NFATC3: variants seen among roughly 807,000 people sequenced by gnomAD.
NFATC3 encodes nuclear factor of activated T cells 3.
Under a neutral mutation model 98.6 loss-of-function variants are expected in NFATC3, and 46 were observed. That is an observed-to-expected ratio of 0.47 (90% CI 0.37 to 0.60). NFATC3 has a LOEUF of 0.60. Ranked by LOEUF, NFATC3 falls within the 20% of genes least tolerant of loss-of-function variation. NFATC3 has a pLI of 0.00. For synonymous variants in NFATC3, 512 were observed against 472.2 expected, an observed-to-expected ratio of 1.08 and a Z score of -1.09; for missense variants, 1,256 against 1,295.5, an observed-to-expected ratio of 0.97 and a Z score of 0.47.
chr16:68,104,837 G>A (rs973990639), intron 1 of NFATC3, among the ~76,000 whole-genome samples: 2 of 151,570 alleles, frequency 1.3e-5, no homozygotes, highest in Non-Finnish European at 2.9e-5. Context: ...TGTATTTTTA[G>A]TAGAGACAGG....
chr16:68,174,907 A>C (rs1298351410), intron 6 of NFATC3, among the ~76,000 whole-genome samples: 4 of 152,206 alleles, frequency 2.6e-5, no homozygotes, highest in Non-Finnish European at 5.9e-5. Context: ...TTCCCCCAGC[A>C]ACTCTACTCC....
rs564432610 is a variant in NFATC3 at position 68,144,624 on chromosome 16, C to T, written c.1402-13245C>T. ...CCTCCTAAAGTGCTGAGATTACAGG[C>T]GTGAGCCACTGCGCCTAGCCTCAAC... On this transcript the variant is annotated intron_variant, in intron 3 of 9. Coordinates refer to ENST00000346183, the MANE Select transcript of NFATC3 (RefSeq NM_173165.3). Among the ~76,000 whole-genome samples, 5 of 152,154 alleles carry T rather than the reference C, an allele frequency of 3.3e-5. No individual in the cohort carries two copies. The East Asian group carries it at 5.8e-4, about 18-fold the overall frequency.
At chr16:68,093,500 T>A (rs1220445169) in intron 1 of NFATC3, among the ~76,000 whole-genome samples, 1 of 152,176 alleles carries the variant, frequency 6.6e-6, no homozygotes, top group Admixed American at 6.5e-5. Flanking sequence ...TACATTTCCT[T>A]CTTGTGGATT....
chr16:68,182,778 C>T lies in NFATC3; in HGVS notation c.1972-462C>T, dbSNP rs1054517858. ...AAGTGATCCGCCCACCTCAGCCTCC[C>T]AAAGTGCTGGGATTACAAGTATGAG... On this transcript the variant is annotated intron_variant, in intron 7 of 9. Coordinates refer to ENST00000346183, the MANE Select transcript of NFATC3 (RefSeq NM_173165.3). Among the ~76,000 whole-genome samples, 9 of 152,124 alleles carry T rather than the reference C, an allele frequency of 5.9e-5. 1 individual carries two copies. The highest frequency in any genetic ancestry group is 2.2e-4 in the African/African-American group (9 of 41,424).
At chr16:68,090,698 A>G (rs903127045) in intron 1 of NFATC3, among the ~76,000 whole-genome samples, 1 of 152,148 alleles carries the variant, frequency 6.6e-6, no homozygotes, top group Non-Finnish European at 1.5e-5. Flanking sequence ...TTAAGTATAT[A>G]ATTGGATATT....
In NFATC3 at chr16:68,157,984, T is replaced by G; in HGVS notation, c.1517T>G (p.Val506Gly). The G allele has an allele frequency of 2.5e-6, 4 of 1,614,038 alleles. No individual in the cohort carries two copies. Among genetic ancestry groups the G allele is most frequent in the Non-Finnish European group, 3.4e-6 (4 of 1,179,948 alleles). ...GTGCATCGAATCACTGGGAAGACAG[T>G]CGCTACTGCAAGCCAAGAGATAATA... ...YQVHRITGKT[V>G]ATASQEIIIA... The change falls in exon 4 of 10, where the codon GTC becomes GGC. Residue 506 changes from valine to glycine, a missense_variant. Physicochemically the swap from Val to Gly is moderately radical, Grantham distance 109. Around this residue, in one of 3 missense-constraint regions of NFATC3, gnomAD observed 156 missense variants for 212.4 expected, o/e 0.73. Coordinates refer to ENST00000346183, the MANE Select transcript of NFATC3 (RefSeq NM_173165.3).
intron 9 of NFATC3, among the ~76,000 whole-genome samples, chr16:68,218,794 A>T (rs1192660368): frequency 2.0e-5 from 3 of 151,090 alleles, no homozygotes; most frequent in African/African-American, 7.3e-5. Context: ...GGATGGTCCC[A>T]ATCTCCTGAC....
rs2042073963 is a variant in NFATC3 at position 68,228,226 on chromosome 16, G to A, written c.*1755G>A. 1 of 152,216 alleles carries A rather than the reference G, an allele frequency of 6.6e-6. No individual in the cohort carries two copies. The highest frequency in any genetic ancestry group is 2.4e-5 in the African/African-American group (1 of 41,450). The allele number at this position is 152,216 out of a possible 1,614,324, so 9.4% of individuals were successfully genotyped here. A position where few individuals can be genotyped will look rare whatever the true frequency, so the allele number is the denominator to read the frequency against. On this transcript the variant is annotated 3_prime_UTR_variant, in exon 10 of 10. Coordinates refer to ENST00000346183, the MANE Select transcript of NFATC3 (RefSeq NM_173165.3). ...GCAGATCACTGTGGCCCCTCTTGGA[G>A]CTGGGTGTTTTCAAATTTTCTTGAA...
At position 68,085,627 on chromosome 16, in the gene NFATC3, T is replaced by G; in HGVS notation, c.-55T>G. 6.9e-7 allele frequency: 1 copy of G among 1,444,014 alleles called. No individual in the cohort carries two copies. The highest frequency in any genetic ancestry group is 9.2e-7 in the Non-Finnish European group (1 of 1,090,772). The allele number at this position is 1,444,014 out of a possible 1,614,324, so 89.5% of individuals were successfully genotyped here. ...GCGTTGAGGAGCTGCTGCCGCCGCTTGCCGCTGCCGCCGCCGCCGCCTGAG... is the reference window on the plus strand; with the variant it reads ...GCGTTGAGGAGCTGCTGCCGCCGCTGGCCGCTGCCGCCGCCGCCGCCTGAG... On this transcript the variant is annotated 5_prime_UTR_variant, in exon 1 of 10. Coordinates refer to ENST00000346183, the MANE Select transcript of NFATC3 (RefSeq NM_173165.3).
chr16:68,090,396 C>T (rs2034649521), intron 1 of NFATC3, among the ~76,000 whole-genome samples: 1 of 150,674 alleles, frequency 6.6e-6, no homozygotes, highest in African/African-American at 2.4e-5. Flanking sequence ...AGACCCTTCT[C>T]CACATGCTAA....
chr16:68,185,826 G>T (rs1056994282), intron 8 of NFATC3, among the ~76,000 whole-genome samples: 2 of 134,898 alleles, frequency 1.5e-5, no homozygotes, highest in Non-Finnish European at 3.0e-5. Flanking sequence ...TCGCACCACC[G>T]CACTCCAGCC....
At chr16:68,197,415 C>T (rs1184809212) in intron 9 of NFATC3, among the ~76,000 whole-genome samples, 3 of 152,218 alleles carry the variant, frequency 2.0e-5, no homozygotes, top group Non-Finnish European at 2.9e-5. Flanking sequence ...TGCTGAGTAA[C>T]TGGGACCACA....
chr16:68,199,233 A>AT (rs1221683762), intron 9 of NFATC3, among the ~76,000 whole-genome samples: 4 of 145,324 alleles, frequency 2.8e-5, no homozygotes, highest in Non-Finnish European at 4.5e-5. Context: ...TTTATTTTTT[A>AT]TTTTTTTTGA....
chr16:68,086,648 C>G (rs899858094), intron 1 of NFATC3: 225 of 985,192 alleles, frequency 2.3e-4, no homozygotes, highest in Non-Finnish European at 2.6e-4. Context: ...ATACGAACTT[C>G]AAAAAGGAAA....
At chr16:68,226,176 G>A (rs1020069995) in intron 9 of NFATC3, 174 bp from the exon 10 acceptor site, 5 of 648,436 alleles carry the variant, frequency 7.7e-6, no homozygotes, top group African/African-American at 1.9e-5. Context: ...AGTAGTTTGT[G>A]GAGCGATGTT....
At chr16:68,154,091 G>A (rs2038484294) in intron 3 of NFATC3, among the ~76,000 whole-genome samples, 1 of 151,696 alleles carries the variant, frequency 6.6e-6, no homozygotes, top group Non-Finnish European at 1.5e-5. Flanking sequence ...TAGTGTGTGC[G>A]TGTGTGTGTG....
At chr16:68,136,796 G>GT (rs1220564109) in intron 3 of NFATC3, among the ~76,000 whole-genome samples, 2 of 152,106 alleles carry the variant, frequency 1.3e-5, no homozygotes, top group Non-Finnish European at 2.9e-5. Flanking sequence ...ACTTAGGAGG[G>GT]TGAGGCAGGA....
intron 9 of NFATC3, among the ~76,000 whole-genome samples, chr16:68,222,667 T>C (rs774605824): frequency 2.8e-4 from 42 of 152,334 alleles, no homozygotes; most frequent in African/African-American, 9.9e-4. Context: ...ACTTTCACTG[T>C]GCTTGTTCTA....
intron 8 of NFATC3, among the ~76,000 whole-genome samples, chr16:68,189,013 T>C (rs1235138105): frequency 6.6e-6 from 1 of 152,166 alleles, no homozygotes. Context: ...CAGCCCCAAC[T>C]TCATTCTTTT....
Sources: allele counts gnomAD v4.1 joint callset (sites outside exome capture counted in the v4.1 genomes callset), GRCh38; gene constraint gnomAD v4.1.1; regional missense constraint gnomAD v4.1.1; transcripts MANE v1.5; gene names NCBI Gene and HGNC (gene_info 2026-07-23, HGNC 2026-07-21).